COL22A1: variants seen among roughly 807,000 people sequenced by gnomAD.
COL22A1 encodes the protein collagen alpha-1(XXII) chain.
In COL22A1, 221 loss-of-function variants were observed where a neutral mutation model predicts 248.9. The observed-to-expected ratio is 0.89, with a 90% CI of 0.80 to 0.99. The LOEUF is 0.99. Ranked by LOEUF, COL22A1 falls within the 50% of genes least tolerant of loss-of-function variation. The probability of loss-of-function intolerance (pLI) is 0.00; values close to 1 mark genes in which losing one functional copy is unlikely to be tolerated. For synonymous variants in COL22A1, 891 were observed against 793.4 expected (o/e 1.12, Z -2.07); for missense variants, 2,240 against 2,179.0 (o/e 1.03, Z -0.56).
chr8:138,691,625 G>A (rs1325524337), intron 35 of COL22A1, among the ~76,000 whole-genome samples: 1 of 152,106 alleles, frequency 6.6e-6, no homozygotes, highest in Admixed American at 6.5e-5. Flanking sequence ...GCACGTTTGT[G>A]GAGGTGTATG....
Position 138,877,948 on chromosome 8 carries a change from T to C in COL22A1, c.460A>G (p.Ser154Gly), listed in dbSNP as rs765829871. 6 of 1,598,656 alleles carry C rather than the reference T, an allele frequency of 3.8e-6. No homozygotes were observed. In the South Asian group the frequency reaches 5.6e-5, roughly 15 times the overall value. ...QVAILLTDGRSQDLVLDAAAA... is the reference protein window; with the variant it reads ...QVAILLTDGRGQDLVLDAAAA... The stretch of plus-strand genomic sequence containing the variant: ...GCGGCGTCCAGCACCAGGTCCTGGC[T>C]GCGGCCGTCGGTGAGCAGGATGGCC... Residue 154 changes from serine (S) to glycine (G), a missense_variant, in exon 3 of 65, where the codon AGC (serine) becomes GGC (glycine). Physicochemically the swap from Ser to Gly is moderately conservative, Grantham distance 56. Transcript: ENST00000303045.
rs1816851139 is a variant in COL22A1, at chr8:138,589,419, T to C, written c.4715A>G (p.Tyr1572Cys). Reference protein sequence around the residue: ...GIPGQPGEPGYAKDGLPGIPG... With the variant: ...GIPGQPGEPGCAKDGLPGIPG... ...GATCCCAGGAAGTCCATCTTTAGCA[T>C]AGCCAGGTTCCCCGGGTTGACCTGG... The change falls in exon 65 of 65, where the codon TAT becomes TGT. Residue 1572 changes from tyrosine (Y) to cysteine (C), a missense_variant. Tyr to Cys is a radical substitution (Grantham distance 194). Transcript: ENST00000303045. 2 of 1,575,694 alleles carry C rather than the reference T, an allele frequency of 1.3e-6. No individual in the cohort carries two copies. The highest frequency in any genetic ancestry group is 2.3e-5 in the East Asian group (1 of 42,802).
intron 8 of COL22A1, 84 bp downstream of exon 8, chr8:138,812,855 C>A: frequency 1.9e-6 from 2 of 1,072,644 alleles, no homozygotes; most frequent in Non-Finnish European, 2.9e-6. Flanking sequence ...CACCAACCAC[C>A]CAACCCTAAG....
intron 47 of COL22A1, 84 bp from the exon 48 acceptor site, chr8:138,636,879 C>A: frequency 8.8e-7 from 1 of 1,131,014 alleles, no homozygotes; most frequent in South Asian, 1.2e-5. Flanking sequence ...TTCATTCATC[C>A]ATTCATTAAT....
At chr8:138,716,968 C>A (rs950222409) in intron 27 of COL22A1, 99 bp from the exon 28 acceptor site, 11 of 894,172 alleles carry the variant, frequency 1.2e-5, no homozygotes, top group South Asian at 8.1e-5. Flanking sequence ...CACCTGCCAG[C>A]CACAACCCTT....
intron 62 of COL22A1, 38 bp from the exon 63 acceptor site, chr8:138,594,237 A>C: frequency 6.5e-7 from 1 of 1,547,174 alleles, no homozygotes; most frequent in Non-Finnish European, 8.7e-7. Flanking sequence ...CATGAAGAAC[A>C]GATAGTGGAC....
intron 22 of COL22A1, among the ~76,000 whole-genome samples, chr8:138,742,586 TTGATGG>T (rs1336443256): frequency 2.2e-5 from 3 of 139,482 alleles, no homozygotes; most frequent in African/African-American, 5.7e-5. Context: ...GATGGTGGAG[TTGATGG>T]TGATGGTGAT....
intron 3 of COL22A1, among the ~76,000 whole-genome samples, chr8:138,872,303 A>T (rs565967227): frequency 6.6e-6 from 1 of 152,288 alleles, no homozygotes; most frequent in South Asian, 2.1e-4. Context: ...GGGGATGACC[A>T]CACATCCGGA....
rs910148707 is a variant in COL22A1 at position 138,725,939 on chromosome 8, G to A, written c.2140-499C>T. On this transcript the variant is annotated intron_variant, in intron 23 of 64. Coordinates refer to ENST00000303045, the MANE Select transcript of COL22A1 (RefSeq NM_152888.3). ...CAGGCCTTCTGGTTCTCTAGGTATG[G>A]GGTGAGTGGGTCTCGCATCTGTACT... 2.6e-5 allele frequency among the ~76,000 whole-genome samples: 4 copies of A among 152,310 alleles called. No homozygotes were observed. The East Asian group carries it at 7.7e-4, about 29-fold the overall frequency.
chr8:138,805,748 G>A (rs920365581), intron 10 of COL22A1, among the ~76,000 whole-genome samples: 4 of 146,238 alleles, frequency 2.7e-5, no homozygotes, highest in Admixed American at 6.8e-5. Context: ...ATGTGATGGT[G>A]TGTGTGTGTG....
At chr8:138,592,195 G>T (rs1817129211) in intron 63 of COL22A1, among the ~76,000 whole-genome samples, 1 of 152,214 alleles carries the variant, frequency 6.6e-6, no homozygotes, top group Non-Finnish European at 1.5e-5. Context: ...CTACAGACAT[G>T]CAGAGGAGAG....
intron 18 of COL22A1, among the ~76,000 whole-genome samples, 173 bp from the exon 19 acceptor site, chr8:138,756,002 G>T (rs112861200): frequency 1.3e-5 from 2 of 151,938 alleles, no homozygotes; most frequent in South Asian, 4.1e-4. Context: ...CTCAAAGTTC[G>T]GGTTCTGATC....
At chr8:138,881,196 G>C (rs1486480207) in intron 2 of COL22A1, among the ~76,000 whole-genome samples, 5 of 151,952 alleles carry the variant, frequency 3.3e-5, no homozygotes, top group African/African-American at 7.3e-5. Context: ...CTGTGCATTT[G>C]GGGTTGGCTA....
At chr8:138,784,098 G>A (rs981096229) in intron 12 of COL22A1, among the ~76,000 whole-genome samples, 6 of 152,190 alleles carry the variant, frequency 3.9e-5, no homozygotes, top group African/African-American at 1.4e-4. Flanking sequence ...CAGAGGGTTC[G>A]AAGATGTTAG....
chr8:138,842,122 T>C (rs1820928419), intron 4 of COL22A1, among the ~76,000 whole-genome samples: 1 of 152,198 alleles, frequency 6.6e-6, no homozygotes, highest in Non-Finnish European at 1.5e-5. Context: ...TGAGTGCAAA[T>C]CCTCATTCCG....
At chr8:138,794,190 C>T (rs1383174152) in intron 12 of COL22A1, among the ~76,000 whole-genome samples, 1 of 152,128 alleles carries the variant, frequency 6.6e-6, no homozygotes, top group Non-Finnish European at 1.5e-5. Context: ...AGCTCGAGAC[C>T]ATCCTGGCCA....
chr8:138,640,210 G>A (rs1031219451), intron 47 of COL22A1, among the ~76,000 whole-genome samples: 2 of 152,274 alleles, frequency 1.3e-5, no homozygotes, highest in Admixed American at 6.5e-5. Context: ...ACCTCTCTGA[G>A]TTGGGAGATT....
rs185975345 is a variant in COL22A1, at chr8:138,670,674, G to A, written c.3150+5884C>T. Reference sequence around the variant, plus strand: ...GCAATCATGCACATAAAAAGCCACCGGTAGGCTGGGCACGGTGGCTCACGT... The same window carrying A: ...GCAATCATGCACATAAAAAGCCACCAGTAGGCTGGGCACGGTGGCTCACGT... On this transcript the variant is annotated intron_variant, in intron 41 of 64. Coordinates refer to ENST00000303045, the MANE Select transcript of COL22A1 (RefSeq NM_152888.3). Among the ~76,000 whole-genome samples, 557 of 152,140 alleles carry A rather than the reference G, an allele frequency of 3.7e-3. 6 individuals carry two copies. Among genetic ancestry groups the A allele is most frequent in the African/African-American group, 0.012 (503 of 41,506 alleles).
intron 23 of COL22A1, among the ~76,000 whole-genome samples, chr8:138,727,401 G>A (rs1374489465): frequency 6.6e-6 from 1 of 152,124 alleles, no homozygotes; most frequent in East Asian, 1.9e-4. Context: ...ATCCTCGAGG[G>A]CAGGCCCTTC....
Sources: allele counts gnomAD v4.1 joint callset (sites outside exome capture counted in the v4.1 genomes callset), GRCh38; gene constraint gnomAD v4.1.1; transcripts MANE v1.5; gene names NCBI Gene and HGNC (gene_info 2026-07-23, HGNC 2026-07-21).